Variants in CHCHD3 observed in about 807,000 individuals in gnomAD.
The protein encoded by CHCHD3 is coiled-coil-helix-coiled-coil-helix domain containing 3.
CHCHD3 carries 20 observed loss-of-function variants against 38.2 expected under a neutral mutation model. The ratio of observed to expected loss-of-function variants is 0.52; its 90% CI spans 0.37 to 0.76. CHCHD3 has a LOEUF of 0.76. Among genes scored for constraint, CHCHD3 ranks in the 30% least tolerant of loss-of-function variants. The pLI is 0.00. For synonymous variants in CHCHD3, 82 were observed against 100.0 expected, an observed-to-expected ratio of 0.82 and a Z score of 1.07; for missense variants, 245 against 279.2, an observed-to-expected ratio of 0.88 and a Z score of 0.87.
At chr7:132,915,703 C>T (rs1218543880) in intron 4 of CHCHD3, among the ~76,000 whole-genome samples, 1 of 152,166 alleles carries the variant, frequency 6.6e-6, no homozygotes, top group East Asian at 1.9e-4. Flanking sequence ...TACTTGTGCT[C>T]TGATTTCTTT....
chr7:132,903,968 C>T (rs1809731595), intron 4 of CHCHD3, among the ~76,000 whole-genome samples: 1 of 152,116 alleles, frequency 6.6e-6, no homozygotes, highest in South Asian at 2.1e-4. Context: ...ATCAAAAATA[C>T]TTGAACAAAG....
intron 6 of CHCHD3, among the ~76,000 whole-genome samples, chr7:132,818,003 G>T (rs947186153): frequency 7.2e-5 from 11 of 152,216 alleles, no homozygotes; most frequent in African/African-American, 2.7e-4. Flanking sequence ...TCCTTTGGGA[G>T]TGTATTATAT....
At chr7:133,080,030 G>A (rs1422292414) in intron 1 of CHCHD3, among the ~76,000 whole-genome samples, 1 of 152,200 alleles carries the variant, frequency 6.6e-6, no homozygotes, top group Non-Finnish European at 1.5e-5. Flanking sequence ...TTATTTTGCA[G>A]ATGGGAAAAC....
intron 6 of CHCHD3, among the ~76,000 whole-genome samples, chr7:132,835,413 C>A (rs1384503305): frequency 1.3e-5 from 2 of 152,170 alleles, no homozygotes; most frequent in African/African-American, 4.8e-5. Flanking sequence ...ATTAATTATT[C>A]TTGAATAATA....
chr7:132,904,312 A>C (rs1374024271), intron 4 of CHCHD3, among the ~76,000 whole-genome samples: 1 of 152,062 alleles, frequency 6.6e-6, no homozygotes, highest in Non-Finnish European at 1.5e-5. Flanking sequence ...AGGCAGAGGC[A>C]GGAATATACC....
chr7:133,018,011 G>C (rs11982160), intron 3 of CHCHD3, among the ~76,000 whole-genome samples: 47,110 of 151,998 alleles, frequency 0.31, 7,830 homozygotes, highest in South Asian at 0.44. Context: ...ACTACATTCA[G>C]AACTGGTTAG....
At chr7:132,900,762 G>A (rs189765114) in intron 4 of CHCHD3, among the ~76,000 whole-genome samples, 1 of 152,174 alleles carries the variant, frequency 6.6e-6, no homozygotes, top group African/African-American at 2.4e-5. Context: ...AGGCCAAGTC[G>A]GGTGGATCAC....
At chr7:132,914,123 CGT>C (rs200561468) in intron 4 of CHCHD3, among the ~76,000 whole-genome samples, 11,317 of 132,140 alleles carry the variant, frequency 0.086, 451 homozygotes, top group Non-Finnish European at 0.11. Flanking sequence ...CCATGCCTGG[CGT>C]GTGTGTGTGT....
chr7:132,794,776 A>G (rs1243312019), intron 7 of CHCHD3, among the ~76,000 whole-genome samples: 2 of 152,198 alleles, frequency 1.3e-5, no homozygotes, highest in African/African-American at 4.8e-5. Flanking sequence ...TGAGGAAAGA[A>G]GGGGAAAAAT....
intron 5 of CHCHD3, among the ~76,000 whole-genome samples, chr7:132,871,642 A>G (rs1450673235): frequency 6.6e-6 from 1 of 152,176 alleles, no homozygotes; most frequent in East Asian, 1.9e-4. Flanking sequence ...CAGATCGTCC[A>G]TGAAGGCAAG....
intron 3 of CHCHD3, among the ~76,000 whole-genome samples, chr7:133,016,405 G>C (rs932028184): frequency 6.6e-6 from 1 of 152,154 alleles, no homozygotes; most frequent in Non-Finnish European, 1.5e-5. Context: ...CTATGTATGT[G>C]TCTGTATAAA....
intron 2 of CHCHD3, among the ~76,000 whole-genome samples, chr7:133,055,348 G>T (rs902255936): frequency 4.9e-5 from 7 of 142,874 alleles, no homozygotes; most frequent in African/African-American, 1.8e-4. Context: ...TTTATAATTA[G>T]TTGTATTATA....
At chr7:132,878,079 G>T (rs966638960) in intron 5 of CHCHD3, among the ~76,000 whole-genome samples, 8 of 152,056 alleles carry the variant, frequency 5.3e-5, no homozygotes, top group African/African-American at 1.9e-4. Context: ...AAAAACGACT[G>T]TTTATATTTT....
At chr7:132,860,063 G>A (rs1205511506) in intron 5 of CHCHD3, among the ~76,000 whole-genome samples, 2 of 152,084 alleles carry the variant, frequency 1.3e-5, no homozygotes, top group Non-Finnish European at 2.9e-5. Context: ...TTGGGCCCGG[G>A]AGTTCAAGAC....
chr7:133,000,441 T>G (rs997997432), intron 3 of CHCHD3, among the ~76,000 whole-genome samples: 2 of 152,172 alleles, frequency 1.3e-5, no homozygotes, highest in African/African-American at 4.8e-5. Context: ...ACTTTTATGA[T>G]TATTCTATAA....
At chr7:132,929,404 C>A (rs1027191915) in intron 4 of CHCHD3, among the ~76,000 whole-genome samples, 1 of 152,108 alleles carries the variant, frequency 6.6e-6, no homozygotes, top group Non-Finnish European at 1.5e-5. Context: ...TCTTTCTCAG[C>A]CTGCTGCTTA....
chr7:132,815,868 A>C (rs983854859), intron 6 of CHCHD3, among the ~76,000 whole-genome samples: 5 of 152,210 alleles, frequency 3.3e-5, no homozygotes, highest in Non-Finnish European at 7.3e-5. Flanking sequence ...TACTCATTCA[A>C]TGCTTAAGCC....
chr7:132,897,409 C>A (rs1809527785), intron 4 of CHCHD3, among the ~76,000 whole-genome samples: 1 of 152,140 alleles, frequency 6.6e-6, no homozygotes, highest in Admixed American at 6.5e-5. Flanking sequence ...ACTATTGGGA[C>A]CAATTGGCCA....
chr7:132,785,766 T>A, intron 7 of CHCHD3, 106 bp from the exon 8 acceptor site: 1 of 1,215,414 alleles, frequency 8.2e-7, no homozygotes, highest in Non-Finnish European at 1.2e-6. Context: ...TATCTAATTT[T>A]AAAAACACAG....
Sources: gnomAD v4.1 joint callset for allele counts (sites outside exome capture counted in the v4.1 genomes callset) on GRCh38, gnomAD v4.1.1 for gene constraint, MANE v1.5 for transcripts, NCBI Gene and HGNC (gene_info 2026-07-23, HGNC 2026-07-21) for gene names.